The following TTC28 variants were observed in gnomAD, a reference collection of about 807,000 sequenced individuals.
TTC28 encodes tetratricopeptide repeat domain 28, also known as tetratricopeptide repeat protein 28.
Under a neutral mutation model 198.0 loss-of-function variants are expected in TTC28, and 61 were observed. The observed-to-expected ratio is 0.31, with a 90% CI of 0.25 to 0.38. TTC28 has a LOEUF of 0.38. TTC28 is among the 10% of genes least tolerant of loss of function. The probability of loss-of-function intolerance (pLI) is 1.00; values close to 1 mark genes in which losing one functional copy is unlikely to be tolerated. For missense variants in TTC28, 2,678 were observed against 3,164.0 expected, an observed-to-expected ratio of 0.85 and a Z score of 3.69; for synonymous variants, 1,171 against 1,297.8, an observed-to-expected ratio of 0.90 and a Z score of 2.10.
rs996636580 is a variant in TTC28 at position 28,567,159 on chromosome 22, G to A, written c.381+62393C>T. Among the ~76,000 whole-genome samples the A allele has an allele frequency of 6.7e-5, 10 of 149,452 alleles. 1 individual carries two copies. The South Asian group carries it at 1.5e-3, about 22-fold the overall frequency. On this transcript the variant is annotated intron_variant, in intron 2 of 22. Coordinates refer to ENST00000397906, the MANE Select transcript of TTC28 (RefSeq NM_001145418.2). ...GAACCCGGAAGGCAGAGATTGCAGC[G>A]AGCCAAGATTGTGCCATTGCACTCT... is the stretch of plus-strand genomic sequence containing the variant.
intron 1 of TTC28, among the ~76,000 whole-genome samples, chr22:28,630,296 A>T (rs1036281035): frequency 1.3e-5 from 2 of 151,274 alleles, no homozygotes; most frequent in African/African-American, 4.9e-5. Context: ...TTTTACTCTT[A>T]TTTTTTTTCA....
chr22:28,410,025 G>A (rs545230770), intron 2 of TTC28, among the ~76,000 whole-genome samples: 11 of 151,724 alleles, frequency 7.3e-5, no homozygotes, highest in Middle Eastern at 3.2e-3. Context: ...GGGTTCAAGC[G>A]ATTCTCCTGC....
intron 2 of TTC28, among the ~76,000 whole-genome samples, chr22:28,498,369 T>A (rs1480627554): frequency 6.6e-6 from 1 of 152,122 alleles, no homozygotes; most frequent in Non-Finnish European, 1.5e-5. Context: ...AGTAGAAAAA[T>A]TTAAATTATG....
intron 2 of TTC28, among the ~76,000 whole-genome samples, chr22:28,359,901 T>C (rs530511374): frequency 6.6e-6 from 1 of 152,034 alleles, no homozygotes; most frequent in African/African-American, 2.4e-5. Flanking sequence ...CCAAGCAATA[T>C]ACATGACATT....
chr22:28,245,519 C>T (rs925444662), intron 5 of TTC28, among the ~76,000 whole-genome samples: 3 of 152,084 alleles, frequency 2.0e-5, no homozygotes, highest in African/African-American at 7.2e-5. Flanking sequence ...GAACTTAAAT[C>T]CTATTTTTTA....
intron 6 of TTC28, among the ~76,000 whole-genome samples, chr22:28,160,105 G>A (rs1192058566): frequency 6.6e-6 from 1 of 152,158 alleles, no homozygotes; most frequent in Non-Finnish European, 1.5e-5. Flanking sequence ...TGGCTAATGG[G>A]TATCAAAAGA....
At chr22:28,192,781 T>C (rs920883477) in intron 5 of TTC28, among the ~76,000 whole-genome samples, 1 of 152,084 alleles carries the variant, frequency 6.6e-6, no homozygotes, top group Non-Finnish European at 1.5e-5. Flanking sequence ...CCAAGAAATA[T>C]GGGACTATGA....
At chr22:28,177,776 T>C (rs1349583713) in intron 5 of TTC28, among the ~76,000 whole-genome samples, 4 of 152,208 alleles carry the variant, frequency 2.6e-5, no homozygotes, top group Non-Finnish European at 5.9e-5. Context: ...TATTGTATGA[T>C]TTCAACTATA....
At chr22:28,640,667 A>G (rs1050872817) in intron 1 of TTC28, among the ~76,000 whole-genome samples, 2 of 152,148 alleles carry the variant, frequency 1.3e-5, no homozygotes, top group African/African-American at 4.8e-5. Context: ...CTGCATACTC[A>G]ACAGAAATGA....
intron 2 of TTC28, among the ~76,000 whole-genome samples, chr22:28,539,569 G>C (rs886746298): frequency 1.3e-5 from 2 of 151,946 alleles, no homozygotes; most frequent in African/African-American, 4.8e-5. Flanking sequence ...CTGGGAGGCT[G>C]AGGCTGCAGT....
chr22:28,091,355 A>C (rs1941807549), intron 12 of TTC28, among the ~76,000 whole-genome samples: 1 of 152,210 alleles, frequency 6.6e-6, no homozygotes. Context: ...ATTAGGTGAA[A>C]TATACATTTT....
chr22:28,267,494 TG>T (rs1931761056), intron 5 of TTC28, among the ~76,000 whole-genome samples: 1 of 152,198 alleles, frequency 6.6e-6, no homozygotes, highest in Non-Finnish European at 1.5e-5. Context: ...TGGAATTTGG[TG>T]GGAGAAGGAC....
intron 2 of TTC28, among the ~76,000 whole-genome samples, chr22:28,548,135 G>A (rs2049583119): frequency 6.6e-6 from 1 of 152,112 alleles, no homozygotes; most frequent in South Asian, 2.1e-4. Flanking sequence ...AGCACTCCAT[G>A]TTTTTGACAG....
rs1936948899 is a variant in TTC28 at position 27,979,569 on chromosome 22, C to G, written c.*2652G>C. 6.6e-6 allele frequency: 1 copy of G among 152,044 alleles called. No individual in the cohort carries two copies. Among genetic ancestry groups the G allele is most frequent in the Non-Finnish European group, 1.5e-5 (1 of 67,996 alleles). The allele number at this position is 152,044 out of a possible 1,614,324, so 9.4% of individuals were successfully genotyped here. A position where few individuals can be genotyped will look rare whatever the true frequency, so the allele number is the denominator to read the frequency against. ...AATATGATGTAATTACTTATATAACCCTTTAAAAAGGTAACTTAGCTCATG... is the reference window on the plus strand; with the variant it reads ...AATATGATGTAATTACTTATATAACGCTTTAAAAAGGTAACTTAGCTCATG... On this transcript the variant is annotated 3_prime_UTR_variant, in exon 23 of 23. Coordinates refer to ENST00000397906, the MANE Select transcript of TTC28 (RefSeq NM_001145418.2).
chr22:28,182,174 C>A (rs1034578893), intron 5 of TTC28, among the ~76,000 whole-genome samples: 1 of 152,144 alleles, frequency 6.6e-6, no homozygotes, highest in Non-Finnish European at 1.5e-5. Context: ...GGGTGTGTAA[C>A]CTAGCTTCAT....
chr22:28,535,505 T>C (rs113479044), intron 2 of TTC28, among the ~76,000 whole-genome samples: 3,030 of 152,330 alleles, frequency 0.02, 31 homozygotes, highest in Non-Finnish European at 0.027. Context: ...TTTTTATAGA[T>C]AGATAAAGTT....
intron 1 of TTC28, among the ~76,000 whole-genome samples, chr22:28,636,893 T>C (rs968073912): frequency 2.6e-5 from 4 of 152,002 alleles, no homozygotes; most frequent in African/African-American, 7.2e-5. Context: ...TCCCATCAGC[T>C]TTTTTTGCCT....
chr22:28,597,961 C>G (rs1447022382), intron 2 of TTC28, among the ~76,000 whole-genome samples: 1 of 151,836 alleles, frequency 6.6e-6, no homozygotes, highest in African/African-American at 2.4e-5. Flanking sequence ...CTCCTGAGCT[C>G]AAGCAATCCT....
chr22:28,434,075 A>G (rs964018991), intron 2 of TTC28, among the ~76,000 whole-genome samples: 2 of 152,224 alleles, frequency 1.3e-5, no homozygotes, highest in African/African-American at 4.8e-5. Context: ...TCTTAGTTTA[A>G]TAAGTAGATA....
Sources: allele counts gnomAD v4.1 joint callset (sites outside exome capture counted in the v4.1 genomes callset), GRCh38; gene constraint gnomAD v4.1.1; transcripts MANE v1.5; gene names NCBI Gene and HGNC (gene_info 2026-07-23, HGNC 2026-07-21).